KLHDC8A: variants seen among roughly 807,000 people sequenced by gnomAD.
The protein encoded by KLHDC8A is kelch domain containing 8A.
Under a neutral mutation model 33.1 loss-of-function variants are expected in KLHDC8A, and 21 were observed. The ratio of observed to expected loss-of-function variants is 0.64; its 90% CI spans 0.45 to 0.91. KLHDC8A has a LOEUF of 0.91. KLHDC8A is among the 40% of genes least tolerant of loss of function. KLHDC8A has a pLI of 0.00. For missense variants in KLHDC8A, 435 were observed against 483.3 expected (o/e 0.90, Z 0.94); for synonymous variants, 173 against 193.5 (o/e 0.89, Z 0.88).
chr1:205,354,768 T>C (rs1256115588), intron 1 of KLHDC8A, among the ~76,000 whole-genome samples: 2 of 152,222 alleles, frequency 1.3e-5, no homozygotes, highest in South Asian at 2.1e-4. Flanking sequence ...AATGAGGGAA[T>C]GAATGAATGA....
At chr1:205,350,179 GGGCTTCCCCT>G (rs528258735) in intron 1 of KLHDC8A, among the ~76,000 whole-genome samples, 154 of 152,278 alleles carry the variant, frequency 1.0e-3, no homozygotes, top group Admixed American at 3.1e-3. Context: ...GACTTTATCA[GGGCTTCCCCT>G]GGCTACCCTC....
intron 2 of KLHDC8A, among the ~76,000 whole-genome samples, chr1:205,341,691 C>T (rs947288800): frequency 5.9e-5 from 9 of 152,204 alleles, no homozygotes; most frequent in African/African-American, 2.2e-4. Flanking sequence ...TGCTCTGTCA[C>T]CCAGGCTGGA....
chr1:205,353,308 TATAA>T lies in KLHDC8A; in HGVS notation c.-190+3221_-190+3224del, dbSNP rs1663170556. On this transcript the variant is annotated intron_variant, in intron 1 of 5. Coordinates refer to ENST00000367155, the MANE Select transcript of KLHDC8A (RefSeq NM_018203.3). ...GATATGAAATTCACATTTCAGCATC[TATAA>T]ATAAAGTTATATTGGAACACAGCCA... 5.3e-5 allele frequency among the ~76,000 whole-genome samples: 8 copies of T among 152,348 alleles called. 1 individual carries two copies. In the South Asian group the frequency reaches 1.7e-3, roughly 32 times the overall value.
In KLHDC8A at chr1:205,343,437, G is replaced by A; in HGVS notation, c.168C>T (p.Ala56=). The A allele has an allele frequency of 6.2e-7, 1 of 1,613,444 alleles. No individual in the cohort carries two copies. The change falls in exon 2 of 6, where the codon GCC becomes GCT. Residue 56 remains alanine, a synonymous_variant. Coordinates refer to ENST00000367155, the MANE Select transcript of KLHDC8A (RefSeq NM_018203.3). ...MDCFEVYSPE[A]DQWTALPRLP... ...GCCGGGGCAAGGCGGTCCACTGGTC[G>A]GCCTCCGGGGAGTAGACCTCGAAGC...
chr1:205,338,324 G>T (rs1227045385), intron 5 of KLHDC8A, among the ~76,000 whole-genome samples, 171 bp downstream of exon 5: 2 of 152,196 alleles, frequency 1.3e-5, no homozygotes, highest in Non-Finnish European at 2.9e-5. Context: ...GGCCCACAGT[G>T]GATAGGTAAT....
chr1:205,352,882 G>A (rs550240779), intron 1 of KLHDC8A, among the ~76,000 whole-genome samples: 2 of 152,310 alleles, frequency 1.3e-5, no homozygotes, highest in African/African-American at 4.8e-5. Flanking sequence ...GCACCCAGGA[G>A]CTGCCAGTCC....
rs370262484 is a variant in KLHDC8A at position 205,338,503 on chromosome 1, C to G, written c.851G>C (p.Gly284Ala). ...GSLSGRVIVA[G>A]GLGNQPTVLE... ...GAAAGCGCCATCCTTACCAAGTCCC[C>G]CAGCCACTATGACCCGTCCACTCAG... is the stretch of plus-strand genomic sequence containing the variant. The change falls in exon 5 of 6, where the codon GGG becomes GCG. Residue 284 changes from glycine (G) to alanine (A), a missense_variant. Coordinates refer to ENST00000367155, the MANE Select transcript of KLHDC8A (RefSeq NM_018203.3). 3 of 1,613,244 alleles carry G rather than the reference C, an allele frequency of 1.9e-6. No homozygotes were observed. The African/African-American group carries it at 4.0e-5, about 22-fold the overall frequency.
In KLHDC8A at chr1:205,337,358, A is replaced by C. The variant is rs751434533; in HGVS notation, c.*41T>G. On this transcript the variant is annotated 3_prime_UTR_variant, in exon 6 of 6. Coordinates refer to ENST00000367155, the MANE Select transcript of KLHDC8A (RefSeq NM_018203.3). Reference sequence around the variant, plus strand: ...AGATCATTCCTCATGTTAAGAGTGAAGTGATATGGTCCAGGGCAAAGGTAC... The same window carrying C: ...AGATCATTCCTCATGTTAAGAGTGACGTGATATGGTCCAGGGCAAAGGTAC... 1 of 1,475,872 alleles carries C rather than the reference A, an allele frequency of 6.8e-7. No individual in the cohort carries two copies. The highest frequency in any genetic ancestry group is 9.5e-7 in the Non-Finnish European group (1 of 1,056,450). 91.4% of individuals were successfully genotyped at this position (1,475,872 alleles called of 1,614,324 possible). A position where few individuals can be genotyped will look rare whatever the true frequency, so the allele number is the denominator to read the frequency against.
rs1662719035 is a variant in KLHDC8A, at chr1:205,339,217, A to G, written c.734T>C (p.Met245Thr). Residue 245 changes from methionine to threonine, a missense_variant, in exon 4 of 6, where the codon ATG becomes ACG. Coordinates refer to ENST00000367155, the MANE Select transcript of KLHDC8A (RefSeq NM_018203.3). The surrounding 1 kb of genome is among the most constrained non-coding windows in gnomAD (Gnocchi z 5.1). ...LYRQPKFLRT[M>T]DVFDMEQGGW... ...ACCCTGTTCCATGTCGAACACGTCC[A>G]TCGTCCGCAGGAACTTGGGCTGCCG... 2.5e-6 allele frequency: 4 copies of G among 1,614,112 alleles called. No homozygotes were observed. The highest frequency in any genetic ancestry group is 2.5e-6 in the Non-Finnish European group (3 of 1,180,026).
Position 205,339,546 on chromosome 1 carries a change from A to G in KLHDC8A, c.541+98T>C. The G allele has an allele frequency of 6.9e-7, 1 of 1,455,500 alleles. No homozygotes were observed. Among genetic ancestry groups the G allele is most frequent in the Non-Finnish European group, 9.5e-7 (1 of 1,052,882 alleles). The allele number at this position is 1,455,500 out of a possible 1,614,324, so 90.2% of individuals were successfully genotyped here. ...TGGGCTGGGCAGTGTGATTATCCCC[A>G]GTGCCGAGGAGATGCTCAGCACACA... On this transcript the variant is annotated intron_variant, in intron 3 of 5. Transcript: ENST00000367155. The surrounding 1 kb of genome is among the most constrained non-coding windows in gnomAD (Gnocchi z 5.1).
At chr1:205,344,929 C>T (rs962904108) in intron 1 of KLHDC8A, among the ~76,000 whole-genome samples, 7 of 152,110 alleles carry the variant, frequency 4.6e-5, no homozygotes, top group African/African-American at 1.7e-4. Flanking sequence ...CCCACCACCG[C>T]CACCATCACC....
intron 1 of KLHDC8A, 92 bp from the exon 2 acceptor site, chr1:205,343,885 C>T: frequency 2.4e-6 from 1 of 423,810 alleles, no homozygotes; most frequent in Non-Finnish European, 4.2e-6. Context: ...GTCAACTTCA[C>T]TGGGAAGACG....
In KLHDC8A at chr1:205,343,304, T is replaced by C; in HGVS notation, c.301A>G (p.Asn101Asp). ...QLPLKVVEMYNIDEGKWKKRS... is the reference protein window; with the variant it reads ...QLPLKVVEMYDIDEGKWKKRS... Reference sequence around the variant, plus strand: ...TTCTTCCACTTGCCCTCATCGATGTTGTACATCTCCACGACCTTCAGGGGC... The same window carrying C: ...TTCTTCCACTTGCCCTCATCGATGTCGTACATCTCCACGACCTTCAGGGGC... Residue 101 changes from asparagine to aspartate, a missense_variant, in exon 2 of 6, where the codon AAC (asparagine) becomes GAC (aspartate). Asn to Asp is a conservative substitution (Grantham distance 23). Transcript: ENST00000367155. The C allele has an allele frequency of 6.2e-7, 1 of 1,613,452 alleles. No individual in the cohort carries two copies. The highest frequency in any genetic ancestry group is 8.5e-7 in the Non-Finnish European group (1 of 1,179,854).
chr1:205,345,124 C>T (rs1187170930), intron 1 of KLHDC8A, among the ~76,000 whole-genome samples: 1 of 152,132 alleles, frequency 6.6e-6, no homozygotes, highest in Non-Finnish European at 1.5e-5. Context: ...ACTGCAAGGC[C>T]GATGGGATCT....
At chr1:205,342,644 G>C (rs550996090) in intron 2 of KLHDC8A, among the ~76,000 whole-genome samples, 14 of 152,336 alleles carry the variant, frequency 9.2e-5, no homozygotes, top group African/African-American at 3.1e-4. Flanking sequence ...AGGTGTGTCT[G>C]AACTTGGTGT....
Position 205,339,936 on chromosome 1 carries a change from C to T in KLHDC8A, c.377-128G>A. Reference sequence around the variant, plus strand: ...ACTGCTCAGCCAGAGTGAGTCATATCTGTATCAGTGTGGTTGATAGCACCA... The same window carrying T: ...ACTGCTCAGCCAGAGTGAGTCATATTTGTATCAGTGTGGTTGATAGCACCA... On this transcript the variant is annotated intron_variant, in intron 2 of 5. Transcript: ENST00000367155. The surrounding 1 kb of genome is among the most constrained non-coding windows in gnomAD (Gnocchi z 5.1). 1.3e-6 allele frequency: 1 copy of T among 754,004 alleles called. No homozygotes were observed. The highest frequency in any genetic ancestry group is 2.2e-6 in the Non-Finnish European group (1 of 464,388). The allele number at this position is 754,004 out of a possible 1,614,324, so 46.7% of individuals were successfully genotyped here.
At chr1:205,341,941 G>A (rs1042955097) in intron 2 of KLHDC8A, among the ~76,000 whole-genome samples, 3 of 152,310 alleles carry the variant, frequency 2.0e-5, no homozygotes, top group East Asian at 1.9e-4. Flanking sequence ...GAGCCACCGC[G>A]CCCGGCCAAT....
chr1:205,350,112 T>C (rs1663055182), intron 1 of KLHDC8A, among the ~76,000 whole-genome samples: 1 of 152,210 alleles, frequency 6.6e-6, no homozygotes, highest in Non-Finnish European at 1.5e-5. Context: ...CGCAGAGGTC[T>C]GGCCCCACCA....
chr1:205,356,561 G>A lies in KLHDC8A; in HGVS notation c.-218C>T, dbSNP rs1011955302. 12 of 456,198 alleles carry A rather than the reference G, an allele frequency of 2.6e-5. No homozygotes were observed. Among genetic ancestry groups the A allele is most frequent in the African/African-American group, 6.0e-5 (3 of 50,076 alleles). 28.3% of individuals were successfully genotyped at this position (456,198 alleles called of 1,614,324 possible). ...ACTGGAGGGAAAAGGATCGACACCC[G>A]GCGATCATCTGCAAAAGACAAAGAA... On this transcript the variant is annotated 5_prime_UTR_variant, in exon 1 of 6. Coordinates refer to ENST00000367155, the MANE Select transcript of KLHDC8A (RefSeq NM_018203.3).
Sources: gnomAD v4.1 joint callset for allele counts (sites outside exome capture counted in the v4.1 genomes callset) on GRCh38, gnomAD v4.1.1 for gene constraint, Gnocchi (gnomAD v3.1) non-coding constraint, MANE v1.5 for transcripts, NCBI Gene and HGNC (gene_info 2026-07-23, HGNC 2026-07-21) for gene names.